Variants in KCTD2 observed in about 807,000 individuals in gnomAD.
KCTD2 encodes potassium channel tetramerization domain containing 2, also known as BTB/POZ domain-containing protein KCTD2.
In KCTD2, 18 loss-of-function variants were observed where a neutral mutation model predicts 27.9. The observed-to-expected ratio is 0.64, with a 90% CI of 0.45 to 0.96. The LOEUF is 0.96. Among genes scored for constraint, KCTD2 ranks in the 40% least tolerant of loss-of-function variants. KCTD2 has a pLI of 0.00. For missense variants in KCTD2, 280 were observed against 348.0 expected, an observed-to-expected ratio of 0.80 and a Z score of 1.56; for synonymous variants, 175 against 148.4, an observed-to-expected ratio of 1.18 and a Z score of -1.30.
At chr17:75,038,623 G>A (rs1271754090) in intron 3 of KCTD2, among the ~76,000 whole-genome samples, 2 of 152,198 alleles carry the variant, frequency 1.3e-5, no homozygotes, top group Non-Finnish European at 2.9e-5. Flanking sequence ...AGAATCAGCA[G>A]ATAACAATTC....
At position 75,055,917 on chromosome 17, in the gene KCTD2, G is replaced by A. The variant is rs535545489; in HGVS notation, c.540+2812G>A. 2.0e-5 allele frequency among the ~76,000 whole-genome samples: 3 copies of A among 152,052 alleles called. No individual in the cohort carries two copies. In the South Asian group the frequency reaches 6.2e-4, roughly 31 times the overall value. Reference sequence around the variant, plus strand: ...GTGGTAGCGGGCGCCTATAATCCCAGCTACTTGGGAGGCTGAGGCAGGAGA... The same window carrying A: ...GTGGTAGCGGGCGCCTATAATCCCAACTACTTGGGAGGCTGAGGCAGGAGA... On this transcript the variant is annotated intron_variant, in intron 3 of 5. Transcript: ENST00000322444.
At chr17:75,041,328 C>A (rs147047016) in intron 3 of KCTD2, 1 of 144,298 alleles carries the variant, frequency 6.9e-6, no homozygotes, top group African/African-American at 2.6e-5. Flanking sequence ...GCACTCCAAC[C>A]TGAGTGACAG....
At chr17:75,054,611 C>G (rs138763303) in intron 3 of KCTD2, among the ~76,000 whole-genome samples, 3,602 of 152,090 alleles carry the variant, frequency 0.024, 142 homozygotes, top group African/African-American at 0.083. Flanking sequence ...CGAGACCATC[C>G]TGGCTAACAC....
chr17:75,052,291 T>C (rs1303142565), intron 2 of KCTD2, among the ~76,000 whole-genome samples: 2 of 152,240 alleles, frequency 1.3e-5, no homozygotes, highest in Non-Finnish European at 2.9e-5. Context: ...TGCATTTAAA[T>C]AATGCAGTTT....
intron 3 of KCTD2, chr17:75,040,158 A>C (rs747640765): frequency 2.5e-6 from 4 of 1,611,518 alleles, no homozygotes; most frequent in African/African-American, 1.3e-5. Flanking sequence ...CCTTCAGCGC[A>C]TTAAACTACA....
In KCTD2 at chr17:75,061,395, G is replaced by A. The variant is rs1007715284; in HGVS notation, c.637-725G>A. ...CACGGTGGTTCACACCTGTAATCTC[G>A]GCACTTTGGGAGGCCACGGTGGGAG... is the stretch of plus-strand genomic sequence containing the variant. On this transcript the variant is annotated intron_variant, in intron 4 of 5. Coordinates refer to ENST00000322444, the MANE Select transcript of KCTD2 (RefSeq NM_015353.3). Among the ~76,000 whole-genome samples the A allele has an allele frequency of 5.3e-5, 8 of 152,120 alleles. No individual in the cohort carries two copies. In the East Asian group the frequency reaches 5.8e-4, roughly 11 times the overall value.
At chr17:75,034,861 A>G (rs1369422603) in intron 2 of KCTD2, among the ~76,000 whole-genome samples, 1 of 152,010 alleles carries the variant, frequency 6.6e-6, no homozygotes, top group Non-Finnish European at 1.5e-5. Context: ...CCCGACCACA[A>G]AGGAACCCTC....
intron 1 of KCTD2, among the ~76,000 whole-genome samples, chr17:75,048,580 C>T (rs898985502): frequency 6.6e-6 from 1 of 152,276 alleles, no homozygotes; most frequent in Non-Finnish European, 1.5e-5. Flanking sequence ...TACTCTATAT[C>T]CTCCTTGTGG....
rs1387593442 is a variant in KCTD2 at position 75,047,267 on chromosome 17, T to C, written c.17T>C (p.Leu6Pro). 2.2e-6 allele frequency: 2 copies of C among 891,812 alleles called. No homozygotes were observed. The highest frequency in any genetic ancestry group is 4.1e-5 in the South Asian group (1 of 24,332). 55.2% of individuals were successfully genotyped at this position (891,812 alleles called of 1,614,324 possible). A position where few individuals can be genotyped will look rare whatever the true frequency, so the allele number is the denominator to read the frequency against. MAELQ[L>P]DPAMAGLGGG... ...CGGTCCAAGATGGCGGAACTGCAGCTGGACCCGGCGATGGCGGGGCTGGGA... is the reference window on the plus strand; with the variant it reads ...CGGTCCAAGATGGCGGAACTGCAGCCGGACCCGGCGATGGCGGGGCTGGGA... The change falls in exon 1 of 6, where the codon CTG becomes CCG. Residue 6 changes from leucine (L) to proline (P), a missense_variant. By Grantham distance (98) the Leu-to-Pro change is moderately conservative. Transcript: ENST00000322444.
At chr17:75,044,641 C>G (rs184419767), upstream of KCTD2, among the ~76,000 whole-genome samples, 39 of 152,204 alleles carry the variant, frequency 2.6e-4, 1 homozygote, top group East Asian at 7.3e-3. Flanking sequence ...CGCGCCCGGC[C>G]TGCATTTTAA....
At chr17:75,059,408 C>A in intron 3 of KCTD2, 102 bp from the exon 4 acceptor site, 1 of 620,984 alleles carries the variant, frequency 1.6e-6, no homozygotes, top group Non-Finnish European at 2.6e-6. Flanking sequence ...GATTTCCAAG[C>A]AAACTCCTTT....
chr17:75,043,840 G>A (rs1251365195), upstream of KCTD2, among the ~76,000 whole-genome samples: 2 of 151,990 alleles, frequency 1.3e-5, no homozygotes, highest in African/African-American at 4.8e-5. Context: ...TGTACAATGG[G>A]CATTATCAGT....
chr17:75,042,557 T>G (rs1395089254), upstream of KCTD2: 3 of 1,612,504 alleles, frequency 1.9e-6, no homozygotes, highest in Non-Finnish European at 2.5e-6. Context: ...TTCCAGGATT[T>G]CAGGGAACTA....
At chr17:75,048,866 G>A (rs1303125473) in intron 1 of KCTD2, 2 of 166,404 alleles carry the variant, frequency 1.2e-5, no homozygotes, top group South Asian at 1.9e-4. Flanking sequence ...ACACAGCTAC[G>A]GCATTTTCTC....
intron 4 of KCTD2, chr17:75,060,703 G>T: frequency 1.9e-6 from 2 of 1,037,552 alleles, no homozygotes; most frequent in Non-Finnish European, 1.4e-6. Flanking sequence ...GGTCTCGGTC[G>T]CCGCCACTCG....
chr17:75,045,146 C>T (rs1053480268), upstream of KCTD2, among the ~76,000 whole-genome samples: 2 of 151,752 alleles, frequency 1.3e-5, no homozygotes, highest in East Asian at 3.9e-4. Flanking sequence ...TGATGCCCCA[C>T]AAGCCACAAA....
At chr17:75,033,208 A>G (rs529520107) in intron 1 of KCTD2, 4 of 152,152 alleles carry the variant, frequency 2.6e-5, no homozygotes, top group Admixed American at 6.5e-5. Context: ...GGCTCAAGCA[A>G]TCCCCCCACC....
upstream of KCTD2, among the ~76,000 whole-genome samples, chr17:75,044,871 T>C (rs988991234): frequency 6.6e-6 from 1 of 152,202 alleles, no homozygotes; most frequent in Non-Finnish European, 1.5e-5. Context: ...CAAACACCTG[T>C]CCTGTCCTTC....
intron 3 of KCTD2, among the ~76,000 whole-genome samples, chr17:75,058,365 G>C (rs137974012): frequency 6.6e-6 from 1 of 151,356 alleles, no homozygotes; most frequent in South Asian, 2.1e-4. Context: ...TTAGCTGGGC[G>C]TAGTGGCACA....
Sources: allele counts gnomAD v4.1 joint callset (sites outside exome capture counted in the v4.1 genomes callset), GRCh38; gene constraint gnomAD v4.1.1; transcripts MANE v1.5; gene names NCBI Gene and HGNC (gene_info 2026-07-23, HGNC 2026-07-21).